The following NLE1 variants were observed in gnomAD, a reference collection of about 807,000 sequenced individuals.
NLE1 encodes notchless protein homolog 1.
A neutral mutation model predicts 62.8 loss-of-function variants in NLE1; 37 were observed. The ratio of observed to expected loss-of-function variants is 0.59; its 90% CI spans 0.45 to 0.78. The LOEUF (loss-of-function observed/expected upper bound fraction) is 0.78. Among genes scored for constraint, NLE1 ranks in the 30% least tolerant of loss-of-function variants. The pLI is 0.00. For synonymous variants in NLE1, 243 were observed against 253.0 expected, an observed-to-expected ratio of 0.96 and a Z score of 0.37; for missense variants, 555 against 637.9, an observed-to-expected ratio of 0.87 and a Z score of 1.40.
Position 35,129,421 on chromosome 17 carries a change from G to C in NLE1, c.*3016C>G. On this transcript the variant is annotated 3_prime_UTR_variant, in exon 13 of 13. Coordinates refer to ENST00000442241, the MANE Select transcript of NLE1 (RefSeq NM_018096.5). ...AGCCTCGGGGCTCTCTCTTCCCCTA[G>C]ATTTCCTGGACCTACGCCTTGGGCA... is the stretch of plus-strand genomic sequence containing the variant. The C allele has an allele frequency of 3.7e-6, 6 of 1,612,896 alleles. No homozygotes were observed. Among genetic ancestry groups the C allele is most frequent in the Non-Finnish European group, 5.1e-6 (6 of 1,179,000 alleles).
rs774625655 is a variant in NLE1 at position 35,130,264 on chromosome 17, TTTC to T, written c.*2170_*2172del. 30 of 1,612,052 alleles carry T rather than the reference TTTC, an allele frequency of 1.9e-5. No individual in the cohort carries two copies. Among genetic ancestry groups the T allele is most frequent in the Non-Finnish European group, 2.5e-5 (29 of 1,178,938 alleles). On this transcript the variant is annotated 3_prime_UTR_variant, in exon 13 of 13. Transcript: ENST00000442241. ...GATCTGGGAAGGAACTCTGAAGGGT[TTTC>T]TTGTTTCACTTCAGTTTGCAACCCT...
chr17:35,130,659 C>G lies in NLE1; in HGVS notation c.*1778G>C, dbSNP rs1262386925. Reference sequence around the variant, plus strand: ...TGCCAGGCTCAGCCACTGCCCACAGCTGCTAGACTCCCTCCTCCTCCAAAT... The same window carrying G: ...TGCCAGGCTCAGCCACTGCCCACAGGTGCTAGACTCCCTCCTCCTCCAAAT... On this transcript the variant is annotated 3_prime_UTR_variant, in exon 13 of 13. Transcript: ENST00000442241. 1 of 540,814 alleles carries G rather than the reference C, an allele frequency of 1.8e-6. No individual in the cohort carries two copies. The highest frequency in any genetic ancestry group is 1.9e-5 in the African/African-American group (1 of 52,806). 33.5% of individuals were successfully genotyped at this position (540,814 alleles called of 1,614,324 possible).
chr17:35,137,264 C>T lies in NLE1; in HGVS notation c.636-71G>A. ...TGTGTGCCCATGGCACCTCCCCATT[C>T]CCAACTTAAAGGCCATGGACAATCT... On this transcript the variant is annotated intron_variant, in intron 6 of 12. Coordinates refer to ENST00000442241, the MANE Select transcript of NLE1 (RefSeq NM_018096.5). 2.2e-6 allele frequency: 3 copies of T among 1,395,240 alleles called. No individual in the cohort carries two copies. In the South Asian group the frequency reaches 4.0e-5, roughly 19 times the overall value. 86.4% of individuals were successfully genotyped at this position (1,395,240 alleles called of 1,614,324 possible).
chr17:35,135,751 G>A (rs557776062), intron 9 of NLE1, among the ~76,000 whole-genome samples: 4 of 152,298 alleles, frequency 2.6e-5, no homozygotes, highest in African/African-American at 9.6e-5. Flanking sequence ...ATGCATGTGT[G>A]TGTGTGCTTA....
At chr17:35,134,517 A>G (rs1419270788) in intron 10 of NLE1, among the ~76,000 whole-genome samples, 1 of 151,900 alleles carries the variant, frequency 6.6e-6, no homozygotes, top group African/African-American at 2.4e-5. Flanking sequence ...CTCCTGCCTC[A>G]GCCTCCGGGG....
intron 1 of NLE1, 31 bp downstream of exon 1, chr17:35,142,227 A>T (rs1567748445): frequency 1.3e-6 from 2 of 1,555,342 alleles, no homozygotes; most frequent in Non-Finnish European, 1.7e-6. Flanking sequence ...CCCCGCGGCG[A>T]CGCCCCCCGC....
rs766384467 is a variant in NLE1 at position 35,129,475 on chromosome 17, G to C, written c.*2962C>G. The C allele has an allele frequency of 1.9e-6, 3 of 1,614,206 alleles. No individual in the cohort carries two copies. Among genetic ancestry groups the C allele is most frequent in the Non-Finnish European group, 2.5e-6 (3 of 1,180,034 alleles). Reference sequence around the variant, plus strand: ...AGCCGGTCAGTTTCTACCAGCTCCTGTTACAGGAGGTGGCCAAGACACAGG... The same window carrying C: ...AGCCGGTCAGTTTCTACCAGCTCCTCTTACAGGAGGTGGCCAAGACACAGG... On this transcript the variant is annotated 3_prime_UTR_variant, in exon 13 of 13. Coordinates refer to ENST00000442241, the MANE Select transcript of NLE1 (RefSeq NM_018096.5).
At position 35,136,396 on chromosome 17, in the gene NLE1, C is replaced by T. The variant is rs778793410; in HGVS notation, c.930G>A (p.Glu310=). Residue 310 remains glutamate, a synonymous_variant, in exon 8 of 13, where the codon GAG becomes GAA. Transcript: ENST00000442241. ...ALRTGAFEPA[E]ASVNPQDLQG... Reference sequence around the variant, plus strand: ...GGAGGTCTTGGGGATTAACTGAGGCCTCAGCAGGTTCAAAGGCCCCAGTGC... The same window carrying T: ...GGAGGTCTTGGGGATTAACTGAGGCTTCAGCAGGTTCAAAGGCCCCAGTGC... 1.8e-5 allele frequency: 29 copies of T among 1,613,950 alleles called. No individual in the cohort carries two copies. In the South Asian group the frequency reaches 3.0e-4, roughly 16 times the overall value.
At chr17:35,140,724 G>A (rs1387894049) in intron 2 of NLE1, among the ~76,000 whole-genome samples, 3 of 152,104 alleles carry the variant, frequency 2.0e-5, no homozygotes, top group African/African-American at 7.2e-5. Flanking sequence ...CCGAGGAGCT[G>A]GGACTACAGG....
chr17:35,141,412 G>A (rs1483205289), intron 2 of NLE1, among the ~76,000 whole-genome samples: 1 of 152,096 alleles, frequency 6.6e-6, no homozygotes, highest in Non-Finnish European at 1.5e-5. Flanking sequence ...TGGGTGTGGT[G>A]GCGCGCGCCT....
chr17:35,133,555 C>T, intron 10 of NLE1, 57 bp from the exon 11 acceptor site: 1 of 1,506,462 alleles, frequency 6.6e-7, no homozygotes. Flanking sequence ...TTCAACACGT[C>T]TGAAGGGTCC....
Position 35,130,217 on chromosome 17 carries a change from G to C in NLE1, c.*2220C>G, listed in dbSNP as rs550711479. The C allele has an allele frequency of 4.4e-5, 69 of 1,577,804 alleles. No individual in the cohort carries two copies. The African/African-American group carries it at 7.2e-4, about 16-fold the overall frequency. On this transcript the variant is annotated 3_prime_UTR_variant, in exon 13 of 13. Transcript: ENST00000442241. The stretch of plus-strand genomic sequence containing the variant: ...AGACAGAAAAAAAAGGGGTGATAGA[G>C]ACAGAGAGAGAGCCAGGTTCAGATC...
Position 35,129,222 on chromosome 17 carries a change from C to A in NLE1, c.*3215G>T. The A allele has an allele frequency of 1.5e-6, 1 of 662,110 alleles. No individual in the cohort carries two copies. Among genetic ancestry groups the A allele is most frequent in the Admixed American group, 2.5e-5 (1 of 39,464 alleles). The allele number at this position is 662,110 out of a possible 1,614,324, so 41.0% of individuals were successfully genotyped here. A position where few individuals can be genotyped will look rare whatever the true frequency, so the allele number is the denominator to read the frequency against. On this transcript the variant is annotated 3_prime_UTR_variant, in exon 13 of 13. Coordinates refer to ENST00000442241, the MANE Select transcript of NLE1 (RefSeq NM_018096.5). ...AGGGTGTACCCTAAAGTGGGTGGGG[C>A]TGCCCAGGAGAGTAGTACATGCTTC...
chr17:35,140,177 A>G (rs1221102823), intron 2 of NLE1, 111 bp from the exon 3 acceptor site: 6 of 1,247,274 alleles, frequency 4.8e-6, no homozygotes, highest in Non-Finnish European at 6.7e-6. Flanking sequence ...CTTTTCAGCC[A>G]TCGTGCTAGG....
chr17:35,137,953 G>A lies in NLE1; in HGVS notation c.461-63C>T, dbSNP rs890221839. 8 of 1,241,836 alleles carry A rather than the reference G, an allele frequency of 6.4e-6. No homozygotes were observed. The South Asian group carries it at 7.6e-5, about 12-fold the overall frequency. 76.9% of individuals were successfully genotyped at this position (1,241,836 alleles called of 1,614,324 possible). On this transcript the variant is annotated intron_variant, in intron 4 of 12. Coordinates refer to ENST00000442241, the MANE Select transcript of NLE1 (RefSeq NM_018096.5). Reference sequence around the variant, plus strand: ...CTGTCTTTATCCCAAGTGCCCAGCAGTGCCTGTCAGGTGCCAGGTACTCCT... The same window carrying A: ...CTGTCTTTATCCCAAGTGCCCAGCAATGCCTGTCAGGTGCCAGGTACTCCT...
Position 35,136,399 on chromosome 17 carries a change from A to C in NLE1, c.927T>G (p.Ala309=). The change falls in exon 8 of 13, where the codon GCT becomes GCG. Residue 309 remains alanine, a synonymous_variant. Transcript: ENST00000442241. ...YALRTGAFEP[A]EASVNPQDLQ... ...GGTCTTGGGGATTAACTGAGGCCTC[A>C]GCAGGTTCAAAGGCCCCAGTGCGCA... The C allele has an allele frequency of 1.9e-6, 3 of 1,614,088 alleles. No individual in the cohort carries two copies. Among genetic ancestry groups the C allele is most frequent in the Non-Finnish European group, 2.5e-6 (3 of 1,179,940 alleles).
In NLE1 at chr17:35,135,255, G is replaced by A. The variant is rs373970543; in HGVS notation, c.1208C>T (p.Thr403Met). The A allele has an allele frequency of 5.8e-5, 93 of 1,613,976 alleles. No homozygotes were observed. The highest frequency in any genetic ancestry group is 1.6e-4 in the Middle Eastern group (1 of 6,084). Residue 403 changes from threonine (T) to methionine (M), a missense_variant, in exon 10 of 13, where the codon ACG (threonine) becomes ATG (methionine). Thr to Met is a moderately conservative substitution (Grantham distance 81, BLOSUM62 -1). Coordinates refer to ENST00000442241, the MANE Select transcript of NLE1 (RefSeq NM_018096.5). ...DKSIKLWDGR[T>M]GKYLASLRGH... ...AGTACCCACCCCTACTCACTTGCCC[G>A]TCCTGCCATCCCACAGCTTGATGGA...
At chr17:35,134,991 G>A (rs755940250) in intron 10 of NLE1, 3 of 562,304 alleles carry the variant, frequency 5.3e-6, no homozygotes, top group Non-Finnish European at 1.0e-5. Flanking sequence ...AGCAGAGGTT[G>A]TAATGAGCCA....
chr17:35,130,700 G>T lies in NLE1; in HGVS notation c.*1737C>A. The T allele has an allele frequency of 2.2e-6, 1 of 451,134 alleles. No homozygotes were observed. Among genetic ancestry groups the T allele is most frequent in the Non-Finnish European group, 4.0e-6 (1 of 250,714 alleles). The allele number at this position is 451,134 out of a possible 1,614,324, so 27.9% of individuals were successfully genotyped here. A position where few individuals can be genotyped will look rare whatever the true frequency, so the allele number is the denominator to read the frequency against. On this transcript the variant is annotated 3_prime_UTR_variant, in exon 13 of 13. Coordinates refer to ENST00000442241, the MANE Select transcript of NLE1 (RefSeq NM_018096.5). ...TCCTCCAAATCTGGGCTGGGTCTAGGTCCCTCATTAAAGAACTGCAGGTCA... is the reference window on the plus strand; with the variant it reads ...TCCTCCAAATCTGGGCTGGGTCTAGTTCCCTCATTAAAGAACTGCAGGTCA...
Sources: allele counts gnomAD v4.1 joint callset (sites outside exome capture counted in the v4.1 genomes callset), GRCh38; gene constraint gnomAD v4.1.1; transcripts MANE v1.5; gene names NCBI Gene and HGNC (gene_info 2026-07-23, HGNC 2026-07-21).